The following CA10 variants were observed in gnomAD, a reference collection of about 807,000 sequenced individuals.
CA10 encodes the protein carbonic anhydrase-related protein 10.
Under a neutral mutation model 44.2 loss-of-function variants are expected in CA10, and 14 were observed. The observed-to-expected ratio is 0.32, with a 90% CI of 0.21 to 0.50. The LOEUF is 0.50. CA10 is among the 20% of genes least tolerant of loss of function. CA10 has a pLI of 0.99. For synonymous variants in CA10, 159 were observed against 141.6 expected, an observed-to-expected ratio of 1.12 and a Z score of -0.87; for missense variants, 350 against 409.7, an observed-to-expected ratio of 0.85 and a Z score of 1.26.
At chr17:51,678,887 C>T (rs1227446460) in intron 4 of CA10, among the ~76,000 whole-genome samples, 22 of 152,172 alleles carry the variant, frequency 1.4e-4, no homozygotes, top group South Asian at 2.1e-4. Flanking sequence ...CCCTCTCCTT[C>T]CCTAATGGAT....
At chr17:51,957,568 T>C (rs943760277) in intron 2 of CA10, among the ~76,000 whole-genome samples, 3 of 152,062 alleles carry the variant, frequency 2.0e-5, no homozygotes, top group East Asian at 3.9e-4. Context: ...GTTGTAACCA[T>C]CTATCACTGC....
intron 1 of CA10, among the ~76,000 whole-genome samples, chr17:52,125,320 C>G (rs1323032822): frequency 6.6e-6 from 1 of 152,124 alleles, no homozygotes; most frequent in Admixed American, 6.5e-5. Context: ...GGGTGTATAT[C>G]CACTGCCTGC....
At chr17:51,733,945 G>C (rs775260018) in intron 4 of CA10, among the ~76,000 whole-genome samples, 1 of 152,082 alleles carries the variant, frequency 6.6e-6, no homozygotes, top group African/African-American at 2.4e-5. Flanking sequence ...TCACAGGGGC[G>C]TTTTACCTGG....
At chr17:51,752,335 A>G (rs1904919764) in intron 3 of CA10, among the ~76,000 whole-genome samples, 1 of 151,766 alleles carries the variant, frequency 6.6e-6, no homozygotes, top group Non-Finnish European at 1.5e-5. Flanking sequence ...GGAAAAAGTT[A>G]TATTATACAG....
At chr17:52,028,664 G>C (rs975336825) in intron 2 of CA10, among the ~76,000 whole-genome samples, 5 of 152,142 alleles carry the variant, frequency 3.3e-5, no homozygotes, top group Non-Finnish European at 7.4e-5. Flanking sequence ...ATACCTGGGT[G>C]TGGACAAAAT....
At chr17:51,839,163 T>C (rs1978298668) in intron 3 of CA10, among the ~76,000 whole-genome samples, 1 of 152,120 alleles carries the variant, frequency 6.6e-6, no homozygotes, top group African/African-American at 2.4e-5. Context: ...ACATATCCAG[T>C]GCTTCCCTAC....
intron 1 of CA10, among the ~76,000 whole-genome samples, chr17:52,127,926 A>G (rs143148902): frequency 6.8e-4 from 103 of 151,702 alleles, no homozygotes; most frequent in Non-Finnish European, 1.3e-3. Flanking sequence ...ATTAACTGAC[A>G]CACACTTTGG....
At chr17:52,032,003 T>C (rs772628283) in intron 2 of CA10, among the ~76,000 whole-genome samples, 7 of 152,104 alleles carry the variant, frequency 4.6e-5, no homozygotes, top group Non-Finnish European at 8.8e-5. Context: ...ACAGTAAAGA[T>C]CTCTAATACA....
At chr17:52,075,866 T>G (rs1987805242) in intron 1 of CA10, among the ~76,000 whole-genome samples, 1 of 152,158 alleles carries the variant, frequency 6.6e-6, no homozygotes, top group South Asian at 2.1e-4. Context: ...TCTTTCCCCA[T>G]CTATCTGAAT....
intron 3 of CA10, among the ~76,000 whole-genome samples, chr17:51,883,502 G>C (rs1346452323): frequency 6.6e-6 from 1 of 152,108 alleles, no homozygotes; most frequent in Non-Finnish European, 1.5e-5. Flanking sequence ...TACTGCTCTT[G>C]TTAAGGCCAC....
At chr17:51,861,245 G>A (rs1049193751) in intron 3 of CA10, among the ~76,000 whole-genome samples, 42 of 152,114 alleles carry the variant, frequency 2.8e-4, no homozygotes, top group African/African-American at 1.2e-4. Context: ...TGCTGGCCTC[G>A]CTTTTTCATT....
rs77130952 is a variant in CA10 at position 51,982,111 on chromosome 17, A to C, written c.137-50979T>G. On this transcript the variant is annotated intron_variant, in intron 2 of 8. Transcript: ENST00000451037. ...TCAGACTATACAAATTATTTGGAAC[A>C]TTTCCTCCCTCTTCAAACATTTAGA... Among the ~76,000 whole-genome samples, 544 of 152,110 alleles carry C rather than the reference A, an allele frequency of 3.6e-3. 5 individuals carry two copies. Among genetic ancestry groups the C allele is most frequent in the South Asian group, 0.022 (106 of 4,826 alleles).
intron 2 of CA10, among the ~76,000 whole-genome samples, chr17:52,052,852 T>G (rs957026286): frequency 6.6e-6 from 1 of 152,094 alleles, no homozygotes; most frequent in Non-Finnish European, 1.5e-5. Flanking sequence ...TAAGTTTGGA[T>G]ATGGCATTTG....
chr17:51,686,366 G>A (rs1358637086), intron 4 of CA10, among the ~76,000 whole-genome samples: 1 of 152,058 alleles, frequency 6.6e-6, no homozygotes, highest in Non-Finnish European at 1.5e-5. Context: ...TAGGACTTGG[G>A]CCTTGGCTTT....
chr17:51,844,639 A>G (rs1396888340), intron 3 of CA10, among the ~76,000 whole-genome samples: 1 of 152,232 alleles, frequency 6.6e-6, no homozygotes, highest in African/African-American at 2.4e-5. Flanking sequence ...ACCTCACATG[A>G]GACTAGAAAG....
intron 4 of CA10, among the ~76,000 whole-genome samples, chr17:51,702,354 T>G (rs1442502740): frequency 6.6e-6 from 1 of 152,166 alleles, no homozygotes; most frequent in African/African-American, 2.4e-5. Context: ...GCCCTTTATA[T>G]GACCTTGCCT....
intron 4 of CA10, among the ~76,000 whole-genome samples, chr17:51,694,290 C>A (rs947762818): frequency 6.6e-6 from 1 of 151,584 alleles, no homozygotes; most frequent in Admixed American, 6.6e-5. Context: ...TAAGTGTTTC[C>A]TTTTTCTCCA....
At chr17:52,069,051 C>A (rs1342236678) in intron 2 of CA10, among the ~76,000 whole-genome samples, 1 of 152,146 alleles carries the variant, frequency 6.6e-6, no homozygotes, top group Non-Finnish European at 1.5e-5. Flanking sequence ...CTCCCTTTTT[C>A]TTTGGGGACA....
At chr17:51,955,659 C>A (rs16950872) in intron 2 of CA10, among the ~76,000 whole-genome samples, 19,560 of 152,162 alleles carry the variant, frequency 0.13, 1,737 homozygotes, top group South Asian at 0.31. Context: ...TCTCTGGTCT[C>A]AAAGCCTTCT....
Sources: allele counts gnomAD v4.1 joint callset (sites outside exome capture counted in the v4.1 genomes callset), GRCh38; gene constraint gnomAD v4.1.1; transcripts MANE v1.5; gene names NCBI Gene and HGNC (gene_info 2026-07-23, HGNC 2026-07-21).